The following TDRD7 variants were observed in gnomAD, a reference collection of about 807,000 sequenced individuals.
The protein encoded by TDRD7 is tudor domain containing 7.
In TDRD7, 47 loss-of-function variants were observed where a neutral mutation model predicts 109.8. The ratio of observed to expected loss-of-function variants is 0.43; its 90% confidence interval spans 0.34 to 0.55. TDRD7 has a LOEUF of 0.55. Among genes scored for constraint, TDRD7 ranks in the 20% least tolerant of loss-of-function variants. TDRD7 has a pLI of 0.03. For synonymous variants in TDRD7, 424 were observed against 457.3 expected, an observed-to-expected ratio of 0.93 and a Z score of 0.93; for missense variants, 1,164 against 1,319.2, an observed-to-expected ratio of 0.88 and a Z score of 1.82.
chr9:97,429,187 A>G (rs1473965873), intron 2 of TDRD7, among the ~76,000 whole-genome samples: 1 of 151,952 alleles, frequency 6.6e-6, no homozygotes, highest in Non-Finnish European at 1.5e-5. Flanking sequence ...TCTCCTTCAC[A>G]CCAATATGAT....
At chr9:97,426,505 G>A (rs1400521180) in intron 1 of TDRD7, among the ~76,000 whole-genome samples, 2 of 152,142 alleles carry the variant, frequency 1.3e-5, no homozygotes, top group African/African-American at 4.8e-5. Context: ...TGCCCACCTT[G>A]GCCTCCCAAA....
chr9:97,490,554 G>GGC (rs1829289281), intron 16 of TDRD7, among the ~76,000 whole-genome samples: 1 of 144,390 alleles, frequency 6.9e-6, no homozygotes, highest in Admixed American at 6.9e-5. Context: ...TTTGGTGGGG[G>GGC]GGGGGGCATT....
intron 16 of TDRD7, 87 bp from the exon 17 acceptor site, chr9:97,495,576 T>G: frequency 7.6e-7 from 1 of 1,310,102 alleles, no homozygotes; most frequent in Non-Finnish European, 1.1e-6. Context: ...TACTTTGGAA[T>G]TGACTAAATA....
rs115899552 is a variant in TDRD7 at position 97,447,460 on chromosome 9, G to A, written c.855+5585G>A. On this transcript the variant is annotated intron_variant, in intron 6 of 16. Transcript: ENST00000355295. ...AGACAACTGCTGTTAATTTTTGAGA[G>A]GCACCCCAGCCTAAAGCAGGCCAAA... Among the ~76,000 whole-genome samples, 1,190 of 152,262 alleles carry A rather than the reference G, an allele frequency of 7.8e-3. 16 individuals are homozygous for A. Among genetic ancestry groups the A allele is most frequent in the African/African-American group, 0.028 (1,150 of 41,526 alleles).
chr9:97,495,162 G>A (rs1458774903), intron 16 of TDRD7, among the ~76,000 whole-genome samples: 1 of 152,092 alleles, frequency 6.6e-6, no homozygotes, highest in Admixed American at 6.5e-5. Flanking sequence ...GGAAAAGCTG[G>A]GAATAGTAAC....
chr9:97,445,122 G>T (rs1828378279), intron 6 of TDRD7, among the ~76,000 whole-genome samples: 1 of 152,186 alleles, frequency 6.6e-6, no homozygotes, highest in Non-Finnish European at 1.5e-5. Flanking sequence ...AGTGGAAATT[G>T]TGCAGAAACT....
At position 97,467,649 on chromosome 9, in the gene TDRD7, C is replaced by A. The variant is rs376779180; in HGVS notation, c.1629+2621C>A. Among the ~76,000 whole-genome samples, 16 of 152,192 alleles carry A rather than the reference C, an allele frequency of 1.1e-4. No individual in the cohort carries two copies. In the South Asian group the frequency reaches 3.3e-3, roughly 32 times the overall value. Reference sequence around the variant, plus strand: ...AATTTTAGTACAATGAAGGAAATAACCAATAAAGGAAATAACTATGATAGA... The same window carrying A: ...AATTTTAGTACAATGAAGGAAATAAACAATAAAGGAAATAACTATGATAGA... On this transcript the variant is annotated intron_variant, in intron 8 of 16. Transcript: ENST00000355295.
intron 4 of TDRD7, among the ~76,000 whole-genome samples, chr9:97,433,893 G>A (rs1056479543): frequency 2.6e-5 from 4 of 152,142 alleles, no homozygotes; most frequent in Admixed American, 2.0e-4. Flanking sequence ...GTGGAGAAAA[G>A]GGGAACCCCA....
intron 1 of TDRD7, among the ~76,000 whole-genome samples, chr9:97,420,082 G>T (rs538045441): frequency 1.3e-5 from 2 of 151,836 alleles, no homozygotes; most frequent in Admixed American, 1.3e-4. Flanking sequence ...AATGATCAAG[G>T]CAACTTTATT....
At chr9:97,425,634 C>A (rs1037893612) in intron 1 of TDRD7, among the ~76,000 whole-genome samples, 1 of 152,108 alleles carries the variant, frequency 6.6e-6, no homozygotes, top group Non-Finnish European at 1.5e-5. Context: ...CACACACACA[C>A]ATCTGTGAAA....
At chr9:97,442,348 A>G (rs1828321062) in intron 6 of TDRD7, among the ~76,000 whole-genome samples, 1 of 152,138 alleles carries the variant, frequency 6.6e-6, no homozygotes, top group Non-Finnish European at 1.5e-5. Flanking sequence ...TTTGAAATTA[A>G]TAATAGTGTT....
intron 15 of TDRD7, among the ~76,000 whole-genome samples, chr9:97,486,636 C>T (rs1177448076): frequency 6.6e-6 from 1 of 152,206 alleles, no homozygotes; most frequent in Non-Finnish European, 1.5e-5. Flanking sequence ...CATTCTTCCA[C>T]ACATTCCACT....
At chr9:97,417,008 G>C (rs1827822567) in intron 1 of TDRD7, among the ~76,000 whole-genome samples, 1 of 152,108 alleles carries the variant, frequency 6.6e-6, no homozygotes, top group African/African-American at 2.4e-5. Flanking sequence ...TCTCAGTTTT[G>C]ATTTTGAATA....
intron 16 of TDRD7, among the ~76,000 whole-genome samples, chr9:97,488,489 A>C (rs1332311251): frequency 6.6e-6 from 1 of 152,182 alleles, no homozygotes; most frequent in Non-Finnish European, 1.5e-5. Flanking sequence ...TAAAGCAAAA[A>C]TAACACTGTC....
intron 8 of TDRD7, among the ~76,000 whole-genome samples, chr9:97,465,255 C>T (rs1828803038): frequency 6.6e-6 from 1 of 152,162 alleles, no homozygotes. Context: ...ATAAATTCCC[C>T]ATGGGAGTAT....
chr9:97,428,369 T>C, intron 1 of TDRD7, 91 bp from the exon 2 acceptor site: 3 of 1,286,342 alleles, frequency 2.3e-6, no homozygotes, highest in Non-Finnish European at 3.3e-6. Flanking sequence ...CAGTAATAAT[T>C]TATAAAGTAA....
In TDRD7 at chr9:97,470,874, C is replaced by T. The variant is rs139435319; in HGVS notation, c.1741+205C>T. Among the ~76,000 whole-genome samples, 90 of 152,074 alleles carry T rather than the reference C, an allele frequency of 5.9e-4. 1 individual carries two copies. The highest frequency in any genetic ancestry group is 1.6e-3 in the Admixed American group (24 of 15,296). On this transcript the variant is annotated intron_variant, in intron 9 of 16. Transcript: ENST00000355295. ...TTATATTTTGTGTTATATATAAAAA[C>T]GTATTATAATTTCTTATAAAAATTT...
intron 9 of TDRD7, among the ~76,000 whole-genome samples, chr9:97,471,386 C>T (rs555448014): frequency 6.6e-6 from 1 of 152,138 alleles, no homozygotes; most frequent in Non-Finnish European, 1.5e-5. Flanking sequence ...GTCACAGGAG[C>T]TGGGTTTGAC....
rs761300792 is a variant in TDRD7, at chr9:97,430,943, A to G, written c.218A>G (p.Tyr73Cys). Residue 73 changes from tyrosine to cysteine, a missense_variant, in exon 3 of 17, where the codon TAT (tyrosine) becomes TGT (cysteine). Coordinates refer to ENST00000355295, the MANE Select transcript of TDRD7 (RefSeq NM_014290.3). ...ETSRSGEITCYAMACTETARI... is the reference protein window; with the variant it reads ...ETSRSGEITCCAMACTETARI... ...GCCTCTAATGAATAGATTACCTGCT[A>G]TGCCATGGCCTGCACAGAAACTGCA... is the stretch of plus-strand genomic sequence containing the variant. The G allele has an allele frequency of 4.3e-6, 7 of 1,613,676 alleles. No homozygotes were observed. The highest frequency in any genetic ancestry group is 5.1e-6 in the Non-Finnish European group (6 of 1,179,796).
Sources: allele counts gnomAD v4.1 joint callset (sites outside exome capture counted in the v4.1 genomes callset), GRCh38; gene constraint gnomAD v4.1.1; transcripts MANE v1.5; gene names NCBI Gene and HGNC (gene_info 2026-07-23, HGNC 2026-07-21).